The following MYT1L variants were observed in gnomAD, a reference collection of about 807,000 sequenced individuals.
The protein encoded by MYT1L is myelin transcription factor 1-like protein.
MYT1L carries 12 observed loss-of-function variants against 126.7 expected under a neutral mutation model. That is an observed-to-expected ratio of 0.09 (90% CI 0.06 to 0.15). The LOEUF (loss-of-function observed/expected upper bound fraction) is 0.15, where lower values mean the gene tolerates loss of function less well. Ranked by LOEUF, MYT1L falls within the 10% of genes least tolerant of loss-of-function variation. The probability of loss-of-function intolerance (pLI) is 1.00; values close to 1 mark genes in which losing one functional copy is unlikely to be tolerated. For missense variants in MYT1L, 979 were observed against 1,585.2 expected, an observed-to-expected ratio of 0.62 and a Z score of 6.49; for synonymous variants, 541 against 604.2, an observed-to-expected ratio of 0.90 and a Z score of 1.53.
intron 2 of MYT1L, among the ~76,000 whole-genome samples, chr2:2,252,388 G>C (rs1406225854): frequency 6.6e-6 from 1 of 152,156 alleles, no homozygotes; most frequent in Non-Finnish European, 1.5e-5. Flanking sequence ...GCCCTGGTCT[G>C]TGTCTGGGCA....
intron 3 of MYT1L, among the ~76,000 whole-genome samples, chr2:2,093,773 T>C (rs1449012998): frequency 1.3e-5 from 2 of 152,254 alleles, no homozygotes; most frequent in Non-Finnish European, 2.9e-5. Context: ...CCCATGCCTA[T>C]GTCCTGAATG....
chr2:1,815,505 C>T (rs554508078), intron 21 of MYT1L, among the ~76,000 whole-genome samples: 6 of 152,352 alleles, frequency 3.9e-5, no homozygotes, highest in African/African-American at 9.6e-5. Flanking sequence ...TGGGAAACCA[C>T]GGGCCCTAGA....
chr2:2,121,879 T>C (rs960636225), intron 3 of MYT1L, among the ~76,000 whole-genome samples: 4 of 152,124 alleles, frequency 2.6e-5, no homozygotes, highest in Admixed American at 2.6e-4. Flanking sequence ...GTGATCTCAG[T>C]CCCTTCTTGC....
chr2:2,083,179 C>T (rs1219722420), intron 3 of MYT1L, among the ~76,000 whole-genome samples: 1 of 152,204 alleles, frequency 6.6e-6, no homozygotes, highest in Non-Finnish European at 1.5e-5. Context: ...AATACTTTTG[C>T]TTTGAAGAAA....
Position 2,303,079 on chromosome 2 carries a change from AC to A in MYT1L, c.-520-18577del, listed in dbSNP as rs1389389958. 4.6e-5 allele frequency among the ~76,000 whole-genome samples: 7 copies of A among 152,216 alleles called. No individual in the cohort carries two copies. The East Asian group carries it at 1.3e-3, about 29-fold the overall frequency. On this transcript the variant is annotated intron_variant, in intron 1 of 24. Coordinates refer to ENST00000647738, the MANE Select transcript of MYT1L (RefSeq NM_001303052.2). Reference sequence around the variant, plus strand: ...TAGGTTAAAAATGGGAAAAAAAACAACAAGAATAATAGTAGTCATCATAGTA... The same window carrying A: ...TAGGTTAAAAATGGGAAAAAAAACAAAAGAATAATAGTAGTCATCATAGTA...
chr2:2,136,939 C>A (rs1426479283), intron 3 of MYT1L, among the ~76,000 whole-genome samples: 1 of 152,080 alleles, frequency 6.6e-6, no homozygotes, highest in Non-Finnish European at 1.5e-5. Context: ...TCTAGAAAAC[C>A]CCATCGTCTC....
intron 21 of MYT1L, among the ~76,000 whole-genome samples, chr2:1,810,305 A>G (rs2036397935): frequency 1.3e-5 from 2 of 151,764 alleles, no homozygotes; most frequent in South Asian, 4.2e-4. Context: ...ACACCTGGCT[A>G]ATTTTTGTAT....
At chr2:1,837,927 A>C (rs2041131263) in intron 21 of MYT1L, among the ~76,000 whole-genome samples, 1 of 139,382 alleles carries the variant, frequency 7.2e-6, no homozygotes, top group Admixed American at 7.1e-5. Flanking sequence ...GTTTGTTTTT[A>C]ATGAGACAGA....
At chr2:1,925,963 G>A (rs2054174565) in intron 9 of MYT1L, among the ~76,000 whole-genome samples, 1 of 152,106 alleles carries the variant, frequency 6.6e-6, no homozygotes, top group Admixed American at 6.5e-5. Context: ...CTTATCATTG[G>A]CCCCAGAGCC....
At chr2:2,101,348 T>C (rs1354232650) in intron 3 of MYT1L, among the ~76,000 whole-genome samples, 1 of 152,188 alleles carries the variant, frequency 6.6e-6, no homozygotes, top group East Asian at 1.9e-4. Context: ...GACTGTATGC[T>C]GGCTGCTTAA....
chr2:2,188,262 A>T (rs936863891), intron 2 of MYT1L, among the ~76,000 whole-genome samples: 7 of 152,274 alleles, frequency 4.6e-5, no homozygotes, highest in African/African-American at 1.7e-4. Context: ...ACCCAAAACA[A>T]CATGAATTCG....
chr2:2,128,889 CA>C (rs1205001557), intron 3 of MYT1L, among the ~76,000 whole-genome samples: 2 of 152,086 alleles, frequency 1.3e-5, no homozygotes, highest in African/African-American at 4.8e-5. Flanking sequence ...GATAATTGCC[CA>C]ACATTATTTG....
chr2:2,223,038 G>A (rs1046653327), intron 2 of MYT1L, among the ~76,000 whole-genome samples: 2 of 152,060 alleles, frequency 1.3e-5, no homozygotes, highest in African/African-American at 2.4e-5. Context: ...GTCCTTCTAA[G>A]CCCCACATAC....
chr2:2,145,870 T>C (rs1215305365), intron 3 of MYT1L, among the ~76,000 whole-genome samples: 2 of 152,246 alleles, frequency 1.3e-5, no homozygotes, highest in Admixed American at 1.3e-4. Flanking sequence ...AAAATGCCCA[T>C]GCAAGCATTT....
intron 21 of MYT1L, among the ~76,000 whole-genome samples, chr2:1,821,786 G>A (rs1275850824): frequency 2.0e-5 from 3 of 152,194 alleles, no homozygotes; most frequent in South Asian, 2.1e-4. Flanking sequence ...AGGAGGAGCC[G>A]CTGGATTCCC....
intron 3 of MYT1L, among the ~76,000 whole-genome samples, chr2:2,115,697 G>A (rs754765929): frequency 2.6e-5 from 4 of 152,230 alleles, no homozygotes; most frequent in Non-Finnish European, 5.9e-5. Flanking sequence ...GGTCTTGTGC[G>A]GCATCTAGAC....
intron 18 of MYT1L, among the ~76,000 whole-genome samples, chr2:1,863,234 G>A (rs1264055838): frequency 6.6e-6 from 1 of 152,166 alleles, no homozygotes; most frequent in South Asian, 2.1e-4. Flanking sequence ...TGTGGAGTGT[G>A]CTGTTTTCAC....
In MYT1L at chr2:1,887,229, G is replaced by T; in HGVS notation, c.2642+259C>A. Reference sequence around the variant, plus strand: ...TCCAGTTTAGCTGCAATGTCTGCAAGGGGATTTAAGCACCCTGAAGAAAAG... The same window carrying T: ...TCCAGTTTAGCTGCAATGTCTGCAATGGGATTTAAGCACCCTGAAGAAAAG... On this transcript the variant is annotated intron_variant, in intron 17 of 24. Coordinates refer to ENST00000647738, the MANE Select transcript of MYT1L (RefSeq NM_001303052.2). This position sits in a 1 kb window ranked among gnomAD's most constrained non-coding sequence, Gnocchi z 4.8. 2.2e-6 allele frequency: 1 copy of T among 455,440 alleles called. No individual in the cohort carries two copies. Among genetic ancestry groups the T allele is most frequent in the South Asian group, 5.9e-5 (1 of 16,870 alleles). 28.2% of individuals were successfully genotyped at this position (455,440 alleles called of 1,614,324 possible).
intron 9 of MYT1L, among the ~76,000 whole-genome samples, chr2:1,932,065 C>A (rs1195572429): frequency 6.6e-6 from 1 of 152,162 alleles, no homozygotes; most frequent in African/African-American, 2.4e-5. Flanking sequence ...CCAGACACTG[C>A]CTACACTCCC....
Sources: allele counts gnomAD v4.1 joint callset (sites outside exome capture counted in the v4.1 genomes callset), GRCh38; gene constraint gnomAD v4.1.1; non-coding constraint Gnocchi (gnomAD v3.1); transcripts MANE v1.5; gene names NCBI Gene and HGNC (gene_info 2026-07-23, HGNC 2026-07-21).